The following TGFA variants were observed in gnomAD, a reference collection of about 807,000 sequenced individuals.
TGFA encodes the protein transforming growth factor alpha.
Under a neutral mutation model 21.7 loss-of-function variants are expected in TGFA, and 12 were observed. The ratio of observed to expected loss-of-function variants is 0.55; its 90% CI spans 0.35 to 0.90. The LOEUF (loss-of-function observed/expected upper bound fraction) is 0.90, where lower values mean the gene tolerates loss of function less well. TGFA is among the 40% of genes least tolerant of loss of function. The probability of loss-of-function intolerance (pLI) is 0.01; values close to 1 mark genes in which losing one functional copy is unlikely to be tolerated. For missense variants in TGFA, 178 were observed against 210.8 expected (o/e 0.84, Z 0.96); for synonymous variants, 79 against 88.1 (o/e 0.90, Z 0.58).
intron 1 of TGFA, among the ~76,000 whole-genome samples, chr2:70,518,340 C>T (rs782319829): frequency 1.3e-5 from 2 of 152,176 alleles, no homozygotes; most frequent in African/African-American, 4.8e-5. Context: ...CCACATGCAA[C>T]GGAAGAAAAC....
At chr2:70,511,667 C>T (rs533593963) in intron 2 of TGFA, among the ~76,000 whole-genome samples, 36 of 152,122 alleles carry the variant, frequency 2.4e-4, no homozygotes, top group Admixed American at 5.9e-4. Flanking sequence ...GTTACGTATA[C>T]GCATTGAAGT....
At chr2:70,517,166 G>C (rs1220983820) in intron 1 of TGFA, among the ~76,000 whole-genome samples, 1 of 152,212 alleles carries the variant, frequency 6.6e-6, no homozygotes, top group Non-Finnish European at 1.5e-5. Flanking sequence ...GGTGTTTTGG[G>C]AATGAATTAA....
chr2:70,465,424 G>A (rs1401613706), intron 3 of TGFA, among the ~76,000 whole-genome samples, 192 bp downstream of exon 3: 1 of 152,162 alleles, frequency 6.6e-6, no homozygotes, highest in Non-Finnish European at 1.5e-5. Context: ...TGGGCTGGGG[G>A]CCTTGGAACC....
intron 1 of TGFA, among the ~76,000 whole-genome samples, chr2:70,518,640 T>C (rs1672358853): frequency 6.6e-6 from 1 of 152,134 alleles, no homozygotes; most frequent in South Asian, 2.1e-4. Flanking sequence ...AACTCCTCAA[T>C]CAGGCATGGG....
chr2:70,524,140 G>A (rs529199596), intron 1 of TGFA, among the ~76,000 whole-genome samples: 24 of 152,238 alleles, frequency 1.6e-4, no homozygotes, highest in Non-Finnish European at 2.4e-4. Context: ...CCACTTCAAA[G>A]CCTTATAGAA....
rs1177408817 is a variant in TGFA at position 70,449,128 on chromosome 2, G to A, written c.*1731C>T. 2.0e-5 allele frequency: 3 copies of A among 152,118 alleles called. No individual in the cohort carries two copies. Among genetic ancestry groups the A allele is most frequent in the African/African-American group, 7.2e-5 (3 of 41,414 alleles). 9.4% of individuals were successfully genotyped at this position (152,118 alleles called of 1,614,324 possible). Reference sequence around the variant, plus strand: ...AACAGATCCAAGTGCTTCAGGTGTGGCATTGTTAAATAAGAGTGCCAAAAA... The same window carrying A: ...AACAGATCCAAGTGCTTCAGGTGTGACATTGTTAAATAAGAGTGCCAAAAA... On this transcript the variant is annotated 3_prime_UTR_variant, in exon 6 of 6. Coordinates refer to ENST00000295400, the MANE Select transcript of TGFA (RefSeq NM_003236.4).
rs1175233983 is a variant in TGFA, at chr2:70,476,080, C to CAAAAAAAA, written c.95-10352_95-10345dup. Among the ~76,000 whole-genome samples the CAAAAAAAA allele has an allele frequency of 1.4e-3, 80 of 55,626 alleles. 2 individuals carry two copies. Among genetic ancestry groups the CAAAAAAAA allele is most frequent in the South Asian group, 2.9e-3 (3 of 1,018 alleles). 36.5% of individuals were successfully genotyped at this position (55,626 alleles called of 152,430 possible). On this transcript the variant is annotated intron_variant, in intron 2 of 5. Transcript: ENST00000295400. ...CTACCTTGGTCTTAGTAATTTTAAG[C>CAAAAAAAA]AAAAAAAAAAAAAAAAAAAAAAAAA...
At chr2:70,552,754 C>T (rs373002713) in intron 1 of TGFA, among the ~76,000 whole-genome samples, 1 of 152,246 alleles carries the variant, frequency 6.6e-6, no homozygotes, top group Non-Finnish European at 1.5e-5. Flanking sequence ...AGACTCTAAC[C>T]ACCCTGCAGC....
rs148529105 is a variant in TGFA at position 70,531,128 on chromosome 2, G to A, written c.41-16216C>T. ...CCTCTAAGAAAAGGTAGAAGGCAGT[G>A]TTCCTTCTGACTAAGAGCCAGACAG... On this transcript the variant is annotated intron_variant, in intron 1 of 5. Coordinates refer to ENST00000295400, the MANE Select transcript of TGFA (RefSeq NM_003236.4). 8.9e-4 allele frequency among the ~76,000 whole-genome samples: 135 copies of A among 152,312 alleles called. 1 individual carries two copies. In the East Asian group the frequency reaches 0.023, roughly 25 times the overall value.
intron 1 of TGFA, among the ~76,000 whole-genome samples, chr2:70,523,708 C>T (rs1346921627): frequency 6.6e-6 from 1 of 152,140 alleles, no homozygotes; most frequent in African/African-American, 2.4e-5. Flanking sequence ...TATCTCCTGT[C>T]CCTCCTTCTC....
intron 2 of TGFA, among the ~76,000 whole-genome samples, chr2:70,471,717 C>T (rs1553493337): frequency 6.6e-6 from 1 of 152,178 alleles, no homozygotes; most frequent in East Asian, 1.9e-4. Context: ...GCTTTCCTTA[C>T]ATCATCCGCC....
chr2:70,514,426 T>A (rs1672203223), intron 2 of TGFA, among the ~76,000 whole-genome samples: 5 of 136,518 alleles, frequency 3.7e-5, no homozygotes. Flanking sequence ...AATACCGATT[T>A]TTTTTTTTTT....
chr2:70,527,723 T>G (rs1359159666), intron 1 of TGFA, among the ~76,000 whole-genome samples: 1 of 152,220 alleles, frequency 6.6e-6, no homozygotes, highest in Non-Finnish European at 1.5e-5. Flanking sequence ...AACTATGCAG[T>G]GGGGTAAAGC....
rs1416150018 is a variant in TGFA, at chr2:70,453,287, G to A, written c.406C>T (p.Leu136Phe). The A allele has an allele frequency of 6.2e-7, 1 of 1,614,064 alleles. No homozygotes were observed. The highest frequency in any genetic ancestry group is 8.5e-7 in the Non-Finnish European group (1 of 1,179,948). The change falls in exon 5 of 6, where the codon CTC (leucine) becomes TTC (phenylalanine). Residue 136 changes from leucine to phenylalanine, a missense_variant. Physicochemically the swap from Leu to Phe is conservative, Grantham distance 22. Transcript: ENST00000295400. ...VRKHCEWCRA[L>F]ICRHEKPSAL... is the part of the protein sequence containing the mutation. The stretch of plus-strand genomic sequence containing the variant: ...CTGGGCTTCTCGTGCCGGCAGATGA[G>A]GGCCCGGCACCACTCACAGTGTTTT...
chr2:70,504,463 T>TATATATATATATATACAC (rs1224115401), intron 2 of TGFA, among the ~76,000 whole-genome samples: 1 of 48,976 alleles, frequency 2.0e-5, no homozygotes, highest in African/African-American at 1.0e-4. Flanking sequence ...TATATATATA[T>TATATATATATATATACAC]ACACACATAC....
In TGFA at chr2:70,540,194, G is replaced by A. The variant is rs181110381; in HGVS notation, c.40+13534C>T. ...TCAACATCACCTAGGTAGGAGGGAA[G>A]TCAAGGTCTCATTATGAGGGTTAGA... On this transcript the variant is annotated intron_variant, in intron 1 of 5. Coordinates refer to ENST00000295400, the MANE Select transcript of TGFA (RefSeq NM_003236.4). Among the ~76,000 whole-genome samples the A allele has an allele frequency of 1.3e-4, 20 of 152,336 alleles. 1 individual carries two copies.
At chr2:70,487,808 T>A (rs782634376) in intron 2 of TGFA, among the ~76,000 whole-genome samples, 1 of 152,344 alleles carries the variant, frequency 6.6e-6, no homozygotes, top group East Asian at 1.9e-4. Flanking sequence ...TCTACATAGA[T>A]CTTTGTTCAC....
At chr2:70,477,102 T>C (rs1574085695) in intron 2 of TGFA, among the ~76,000 whole-genome samples, 1 of 152,332 alleles carries the variant, frequency 6.6e-6, no homozygotes, top group Non-Finnish European at 1.5e-5. Context: ...AACCAATTTT[T>C]ATTGTTAGTG....
At position 70,450,804 on chromosome 2, in the gene TGFA, CCTTT is replaced by C; in HGVS notation, c.*51_*54del. The C allele has an allele frequency of 2.5e-6, 4 of 1,597,158 alleles. No individual in the cohort carries two copies. The highest frequency in any genetic ancestry group is 1.1e-5 in the South Asian group (1 of 88,376). ...CTCTGGCAGTGCTGTCCTGAAGAAG[CCTTT>C]CTTTATTGATCTGCCACAGTCCACC... On this transcript the variant is annotated 3_prime_UTR_variant, in exon 6 of 6. Coordinates refer to ENST00000295400, the MANE Select transcript of TGFA (RefSeq NM_003236.4).
Sources: allele counts gnomAD v4.1 joint callset (sites outside exome capture counted in the v4.1 genomes callset), GRCh38; gene constraint gnomAD v4.1.1; transcripts MANE v1.5; gene names NCBI Gene and HGNC (gene_info 2026-07-23, HGNC 2026-07-21).